ALDH3A2: variants seen among roughly 807,000 people sequenced by gnomAD.
ALDH3A2 encodes aldehyde dehydrogenase family 3 member A2.
A neutral mutation model predicts 51.3 loss-of-function variants in ALDH3A2; 36 were observed. That is an observed-to-expected ratio of 0.70 (90% CI 0.54 to 0.93). The LOEUF is 0.93. ALDH3A2 is among the 40% of genes least tolerant of loss of function. The probability of loss-of-function intolerance (pLI) is 0.00; values close to 1 mark genes in which losing one functional copy is unlikely to be tolerated. For missense variants in ALDH3A2, 552 were observed against 603.1 expected, an observed-to-expected ratio of 0.92 and a Z score of 0.89; for synonymous variants, 199 against 219.8, an observed-to-expected ratio of 0.91 and a Z score of 0.84.
rs1324575211 is a variant in ALDH3A2 at position 19,671,898 on chromosome 17, A to G, written c.1385A>G (p.Glu462Gly). ...KFFLLKRFNK[E>G]KLGLLLLTFL... is the part of the protein sequence containing the mutation. ...TTTCTCTTGAAACGGTTCAACAAAG[A>G]AAAACTCGGTCTCCTGTTGCTCACT... The change falls in exon 9 of 10, where the codon GAA becomes GGA. Residue 462 changes from glutamate (E) to glycine (G), a missense_variant. Physicochemically the swap from Glu to Gly is moderately conservative, Grantham distance 98. Transcript: ENST00000176643. The G allele has an allele frequency of 5.0e-6, 8 of 1,614,206 alleles. No homozygotes were observed. The highest frequency in any genetic ancestry group is 6.8e-6 in the Non-Finnish European group (8 of 1,180,036).
intron 5 of ALDH3A2, among the ~76,000 whole-genome samples, chr17:19,659,858 A>G (rs185501387): frequency 8.7e-4 from 132 of 151,788 alleles, no homozygotes; most frequent in African/African-American, 2.9e-3. Context: ...AAAAAAAAAA[A>G]AGAGAAAATT....
At chr17:19,652,819 C>A in intron 3 of ALDH3A2, 187 bp downstream of exon 3, 1 of 613,096 alleles carries the variant, frequency 1.6e-6, no homozygotes, top group Non-Finnish European at 2.9e-6. Context: ...TGGAGTCACC[C>A]AGCTCTTGGG....
In ALDH3A2 at chr17:19,652,540, T is replaced by G; in HGVS notation, c.386-7T>G. ...GATGATACTGTTCTACTTTTTACTT[T>G]ATTTAGGAAATGCTGTGATTATAAA... On this transcript the variant is annotated splice_polypyrimidine_tract_variant and splice_region_variant and intron_variant, in intron 2 of 9. Coordinates refer to ENST00000176643, the MANE Select transcript of ALDH3A2 (RefSeq NM_000382.3). 3 of 1,609,248 alleles carry G rather than the reference T, an allele frequency of 1.9e-6. No individual in the cohort carries two copies. The highest frequency in any genetic ancestry group is 2.6e-6 in the Non-Finnish European group (3 of 1,175,658).
intron 2 of ALDH3A2, 141 bp downstream of exon 2, chr17:19,651,919 A>G: frequency 2.7e-6 from 2 of 749,776 alleles, no homozygotes; most frequent in Non-Finnish European, 2.2e-6. Flanking sequence ...CTGAGAATTC[A>G]TACATACCAT....
chr17:19,671,744 C>G lies in ALDH3A2; in HGVS notation c.1231C>G (p.His411Asp). 1.2e-6 allele frequency: 2 copies of G among 1,614,078 alleles called. No individual in the cohort carries two copies. The highest frequency in any genetic ancestry group is 1.7e-6 in the Non-Finnish European group (2 of 1,179,972). Residue 411 changes from histidine to aspartate, a missense_variant, in exon 9 of 10, where the codon CAC becomes GAC. Transcript: ENST00000176643. ...GVGSSGMGAYHGKHSFDTFSH... is the reference protein window; with the variant it reads ...GVGSSGMGAYDGKHSFDTFSH... ...AGGTTCCAGTGGGATGGGAGCTTATCACGGAAAACATAGTTTTGATACTTT... is the reference window on the plus strand; with the variant it reads ...AGGTTCCAGTGGGATGGGAGCTTATGACGGAAAACATAGTTTTGATACTTT...
chr17:19,656,128 G>A, intron 3 of ALDH3A2: 1 of 534,998 alleles, frequency 1.9e-6, no homozygotes, highest in Non-Finnish European at 3.4e-6. Flanking sequence ...CTGAGCTCAT[G>A]TAAAAAAACA....
At chr17:19,658,452 C>T (rs1176261160) in intron 5 of ALDH3A2, among the ~76,000 whole-genome samples, 3 of 151,510 alleles carry the variant, frequency 2.0e-5, no homozygotes, top group East Asian at 1.9e-4. Flanking sequence ...GGGCTGGGCA[C>T]GGTGGCTTAT....
At chr17:19,661,388 C>G in intron 6 of ALDH3A2, 120 bp downstream of exon 6, 1 of 1,209,472 alleles carries the variant, frequency 8.3e-7, no homozygotes, top group Non-Finnish European at 1.2e-6. Context: ...AGTACTAAAT[C>G]CTGCTTTCTG....
chr17:19,652,143 A>G (rs1399048191), intron 2 of ALDH3A2, among the ~76,000 whole-genome samples: 1 of 152,222 alleles, frequency 6.6e-6, no homozygotes, highest in Non-Finnish European at 1.5e-5. Context: ...AATAAAGACT[A>G]TGAGAGTAAT....
chr17:19,656,946 A>G (rs2084905279), intron 4 of ALDH3A2, among the ~76,000 whole-genome samples: 2 of 152,244 alleles, frequency 1.3e-5, no homozygotes, highest in Admixed American at 6.5e-5. Context: ...TTGAGAGGGT[A>G]TTATGCTGAT....
In ALDH3A2 at chr17:19,663,424, T is replaced by C. The variant is rs1220711241; in HGVS notation, c.1032T>C (p.Asn344=). ...TTCTTCCAATAGTGCCTGTGAAAAA[T>C]GTAGATGAGGCCATAAATTTCATAA... is the stretch of plus-strand genomic sequence containing the variant. ...GPILPIVPVK[N]VDEAINFINE... is the part of the protein sequence containing the mutation. Residue 344 remains asparagine, a synonymous_variant, in exon 7 of 10, where the codon AAT becomes AAC. Coordinates refer to ENST00000176643, the MANE Select transcript of ALDH3A2 (RefSeq NM_000382.3). The C allele has an allele frequency of 1.2e-6, 2 of 1,614,122 alleles. No homozygotes were observed. The highest frequency in any genetic ancestry group is 1.3e-5 in the African/African-American group (1 of 75,006).
Position 19,651,670 on chromosome 17 carries a change from GATGAGGCCTAT to G in ALDH3A2, c.280_290del (p.Glu94SerfsTer41), listed in dbSNP as rs1567597033. The stretch of plus-strand genomic sequence containing the variant: ...TAAGAAGAACGTGCTCACCATGCTG[GATGAGGCCTAT>G]ATTCAGCCACAGCCTCTGGGAGTGG... On this transcript the variant is annotated frameshift_variant, in exon 2 of 10. Transcript: ENST00000176643. LOFTEE classifies it high-confidence loss of function. The G allele has an allele frequency of 6.2e-7, 1 of 1,614,090 alleles. No homozygotes were observed. The highest frequency in any genetic ancestry group is 1.3e-5 in the African/African-American group (1 of 74,932).
intron 2 of ALDH3A2, 91 bp from the exon 3 acceptor site, chr17:19,652,456 G>C: frequency 1.1e-6 from 1 of 916,326 alleles, no homozygotes; most frequent in Non-Finnish European, 1.8e-6. Flanking sequence ...ATAATTGGGA[G>C]TACCTAGCCT....
Position 19,677,352 on chromosome 17 carries a change from C to T in ALDH3A2, c.*1780C>T, listed in dbSNP as rs1339175137. Reference sequence around the variant, plus strand: ...TAGTTTAGGAAAAAGCTGCTTAAAACTGTGGCTCTAAGAGAGTAATCATAA... The same window carrying T: ...TAGTTTAGGAAAAAGCTGCTTAAAATTGTGGCTCTAAGAGAGTAATCATAA... On this transcript the variant is annotated 3_prime_UTR_variant, in exon 10 of 10. Coordinates refer to ENST00000176643, the MANE Select transcript of ALDH3A2 (RefSeq NM_000382.3). 6.6e-6 allele frequency: 1 copy of T among 152,216 alleles called. No individual in the cohort carries two copies. The highest frequency in any genetic ancestry group is 2.4e-5 in the African/African-American group (1 of 41,454). The allele number at this position is 152,216 out of a possible 1,614,324, so 9.4% of individuals were successfully genotyped here. A position where few individuals can be genotyped will look rare whatever the true frequency, so the allele number is the denominator to read the frequency against.
At chr17:19,665,511 C>T (rs1418319979) in intron 8 of ALDH3A2, among the ~76,000 whole-genome samples, 3 of 151,960 alleles carry the variant, frequency 2.0e-5, no homozygotes, top group Non-Finnish European at 4.4e-5. Context: ...CAGTTCTTAC[C>T]TGCATTGTTC....
intron 7 of ALDH3A2, 31 bp from the exon 8 acceptor site, chr17:19,664,917 A>C: frequency 6.4e-7 from 1 of 1,566,596 alleles, no homozygotes; most frequent in Non-Finnish European, 8.8e-7. Flanking sequence ...GGGCAACTTC[A>C]CTGACCTGGA....
Position 19,657,791 on chromosome 17 carries a change from G to T in ALDH3A2, c.727G>T (p.Ala243Ser), listed in dbSNP as rs2084916527. 1 of 1,613,950 alleles carries T rather than the reference G, an allele frequency of 6.2e-7. No individual in the cohort carries two copies. Among genetic ancestry groups the T allele is most frequent in the Admixed American group, 1.7e-5 (1 of 60,000 alleles). The change falls in exon 5 of 10, where the codon GCA becomes TCA. Residue 243 changes from alanine to serine, a missense_variant. Coordinates refer to ENST00000176643, the MANE Select transcript of ALDH3A2 (RefSeq NM_000382.3). ...KYMNCGQTCI[A>S]PDYILCEASL... ...CATGAATTGTGGCCAAACCTGCATT[G>T]CACCCGACTATATTCTCTGTGAAGC...
chr17:19,651,645 TAAG>T lies in ALDH3A2; in HGVS notation c.258_260del (p.Lys86del), dbSNP rs771946854. 2.7e-5 allele frequency: 44 copies of T among 1,614,218 alleles called. No individual in the cohort carries two copies. The highest frequency in any genetic ancestry group is 3.4e-5 in the Non-Finnish European group (40 of 1,180,036). ...CTGAATGGGTTACTGCTAAACCAGT[TAAG>T]AAGAACGTGCTCACCATGCTGGATG... On this transcript the variant is annotated inframe_deletion, in exon 2 of 10. Coordinates refer to ENST00000176643, the MANE Select transcript of ALDH3A2 (RefSeq NM_000382.3).
intron 3 of ALDH3A2, among the ~76,000 whole-genome samples, chr17:19,655,718 TTCTC>T (rs1210606754): frequency 1.3e-5 from 2 of 152,228 alleles, no homozygotes; most frequent in Non-Finnish European, 2.9e-5. Flanking sequence ...GTCCAAGATG[TTCTC>T]TCTTAGAATA....
Sources: allele counts gnomAD v4.1 joint callset (sites outside exome capture counted in the v4.1 genomes callset), GRCh38; gene constraint gnomAD v4.1.1; transcripts MANE v1.5; gene names NCBI Gene and HGNC (gene_info 2026-07-23, HGNC 2026-07-21).